The following ATP2B4 variants were observed in gnomAD, a reference collection of about 807,000 sequenced individuals.
The protein encoded by ATP2B4 is ATPase plasma membrane Ca2+ transporting 4.
ATP2B4 carries 39 observed loss-of-function variants against 110.3 expected under a neutral mutation model. The ratio of observed to expected loss-of-function variants is 0.35; its 90% CI spans 0.27 to 0.46. ATP2B4 has a LOEUF of 0.46. Among genes scored for constraint, ATP2B4 ranks in the 20% least tolerant of loss-of-function variants. The probability of loss-of-function intolerance (pLI) is 1.00; values close to 1 mark genes in which losing one functional copy is unlikely to be tolerated. For synonymous variants in ATP2B4, 538 were observed against 571.7 expected (o/e 0.94, Z 0.84); for missense variants, 1,135 against 1,530.9 (o/e 0.74, Z 4.32).
intron 17 of ATP2B4, 113 bp from the exon 18 acceptor site, chr1:203,722,364 AT>A: frequency 1.2e-6 from 1 of 819,534 alleles, no homozygotes; most frequent in Non-Finnish European, 2.0e-6. Context: ...CAGCTCAGAT[AT>A]TGATTAATTA....
chr1:203,731,884 A>AAGGG (rs2102233894), intron 20 of ATP2B4, among the ~76,000 whole-genome samples: 1 of 141,914 alleles, frequency 7.0e-6, no homozygotes, highest in South Asian at 2.3e-4. Flanking sequence ...AGGAGGGAGG[A>AAGGG]AGGAAGGAAG....
At chr1:203,683,674 T>TC (rs1244623556) in intron 2 of ATP2B4, among the ~76,000 whole-genome samples, 1 of 140,604 alleles carries the variant, frequency 7.1e-6, no homozygotes, top group Non-Finnish European at 1.6e-5. Flanking sequence ...TTCTTTTTTT[T>TC]TTTTTTTTTT....
rs76642935 is a variant in ATP2B4 at position 203,743,743 on chromosome 1, A to G, written c.*3889A>G. 51 of 152,694 alleles carry G rather than the reference A, an allele frequency of 3.3e-4. No individual in the cohort carries two copies. In the East Asian group the frequency reaches 9.2e-3, roughly 28 times the overall value. 9.5% of individuals were successfully genotyped at this position (152,694 alleles called of 1,614,324 possible). A position where few individuals can be genotyped will look rare whatever the true frequency, so the allele number is the denominator to read the frequency against. ...AAGATTGACTATTGTGGTCTGCATG[A>G]CATAAACAAACAAATGGTGATATCA... is the stretch of plus-strand genomic sequence containing the variant. On this transcript the variant is annotated 3_prime_UTR_variant, in exon 21 of 21. Coordinates refer to ENST00000357681, the MANE Select transcript of ATP2B4 (RefSeq NM_001684.5).
At position 203,735,002 on chromosome 1, in the gene ATP2B4, C is replaced by CAAAA. The variant is rs35552196; in HGVS notation, c.3310-4524_3310-4521dup. Among the ~76,000 whole-genome samples the CAAAA allele has an allele frequency of 1.3e-3, 74 of 57,092 alleles. 2 individuals are homozygous for CAAAA. Among genetic ancestry groups the CAAAA allele is most frequent in the African/African-American group, 3.8e-3 (50 of 13,142 alleles). 37.5% of individuals were successfully genotyped at this position (57,092 alleles called of 152,430 possible). A position where few individuals can be genotyped will look rare whatever the true frequency, so the allele number is the denominator to read the frequency against. On this transcript the variant is annotated intron_variant, in intron 20 of 20. Coordinates refer to ENST00000357681, the MANE Select transcript of ATP2B4 (RefSeq NM_001684.5). ...TGGGTGACAGAGACAGACTCCATCT[C>CAAAA]AAAAAAAAAAAAAAAAAAAAAAACG...
intron 1 of ATP2B4, among the ~76,000 whole-genome samples, chr1:203,652,113 C>T (rs1267181662): frequency 6.8e-6 from 1 of 147,038 alleles, no homozygotes; most frequent in Admixed American, 6.9e-5. Flanking sequence ...GAGGTTTCTA[C>T]CAACAGACTA....
At chr1:203,723,843 AT>A in intron 18 of ATP2B4, 37 bp from the exon 19 acceptor site, 1 of 1,531,432 alleles carries the variant, frequency 6.5e-7, no homozygotes, top group Non-Finnish European at 8.9e-7. Flanking sequence ...CCTGTTAGTC[AT>A]TTCCTTGATG....
chr1:203,672,343 TTTTTTTTTTTTTTA>T (rs1270259363), intron 1 of ATP2B4, among the ~76,000 whole-genome samples: 10 of 141,098 alleles, frequency 7.1e-5, no homozygotes, highest in Non-Finnish European at 1.2e-4. Flanking sequence ...TTTTTTTTTT[TTTTTTTTTTTTTTA>T]AAGCTGATTT....
intron 1 of ATP2B4, chr1:203,657,289 GT>G: frequency 1.4e-6 from 1 of 729,660 alleles, no homozygotes; most frequent in Non-Finnish European, 2.5e-6. Context: ...ACAAAGCAGA[GT>G]TTAGTAACCA....
intron 1 of ATP2B4, among the ~76,000 whole-genome samples, chr1:203,661,980 T>C (rs1224213125): frequency 6.6e-6 from 1 of 152,222 alleles, no homozygotes; most frequent in Non-Finnish European, 1.5e-5. Flanking sequence ...CTATTTTTAT[T>C]TATTTATTTT....
Position 203,739,613 on chromosome 1 carries a change from C to G in ATP2B4, c.3377C>G (p.Ser1126Cys). The stretch of plus-strand genomic sequence containing the variant: ...ATTCAGAAACCCTACAACCAAAAGT[C>G]CATCCACAGCTTCATGACCCACCCT... ...ESIQKPYNQK[S>C]IHSFMTHPEF... Residue 1126 changes from serine to cysteine, a missense_variant, in exon 21 of 21, where the codon TCC becomes TGC. Around this residue, in one of 9 missense-constraint regions of ATP2B4, gnomAD observed 61 missense variants for 123.4 expected, o/e 0.49. Coordinates refer to ENST00000357681, the MANE Select transcript of ATP2B4 (RefSeq NM_001684.5). 6.2e-7 allele frequency: 1 copy of G among 1,614,124 alleles called. No homozygotes were observed. The highest frequency in any genetic ancestry group is 8.5e-7 in the Non-Finnish European group (1 of 1,180,026).
In ATP2B4 at chr1:203,723,886, C is replaced by T. The variant is rs1453748808; in HGVS notation, c.3030C>T (p.Phe1010=). 6.2e-7 allele frequency: 1 copy of T among 1,604,118 alleles called. No homozygotes were observed. The highest frequency in any genetic ancestry group is 1.3e-5 in the African/African-American group (1 of 74,492). Residue 1010 remains phenylalanine, a synonymous_variant, in exon 19 of 21, where the codon TTC becomes TTT. Coordinates refer to ENST00000357681, the MANE Select transcript of ATP2B4 (RefSeq NM_001684.5). The part of the protein sequence containing the change: ...VVLGTFICQI[F]IVEFGGKPFS... ...TGCCCCTTTCTCTGTTCTAGATTTT[C>T]ATCGTGGAATTTGGGGGTAAACCCT...
At chr1:203,679,216 A>T (rs1421286637) in intron 1 of ATP2B4, among the ~76,000 whole-genome samples, 2 of 152,148 alleles carry the variant, frequency 1.3e-5, no homozygotes, top group Non-Finnish European at 2.9e-5. Flanking sequence ...GAGCACCTTC[A>T]GATTATTCTT....
In ATP2B4 at chr1:203,667,505, A is replaced by G. The variant is rs578056148; in HGVS notation, c.-464-15237A>G. 1.9e-4 allele frequency among the ~76,000 whole-genome samples: 29 copies of G among 152,184 alleles called. No individual in the cohort carries two copies. The South Asian group carries it at 6.0e-3, about 32-fold the overall frequency. The stretch of plus-strand genomic sequence containing the variant: ...TCACAATTGCTCAGTTACTCAGTAG[A>G]CTAGTGTTGGAGGTAGCTATCTTTT... On this transcript the variant is annotated intron_variant, in intron 1 of 20. Transcript: ENST00000357681.
intron 13 of ATP2B4, among the ~76,000 whole-genome samples, chr1:203,712,687 T>A (rs78621391): frequency 0.043 from 6,561 of 152,122 alleles, 371 homozygotes; most frequent in African/African-American, 0.12. Flanking sequence ...CTAACTTTTC[T>A]TGTCTTTCTG....
intron 2 of ATP2B4, among the ~76,000 whole-genome samples, chr1:203,688,973 T>TGGAA (rs1394409132): frequency 6.6e-6 from 1 of 152,186 alleles, no homozygotes. Flanking sequence ...TTTTGCACAA[T>TGGAA]GGAATCCTTC....
chr1:203,693,444 G>C (rs1237947908), intron 2 of ATP2B4, among the ~76,000 whole-genome samples: 3 of 152,046 alleles, frequency 2.0e-5, no homozygotes, highest in Non-Finnish European at 4.4e-5. Flanking sequence ...ACAAGCTCAG[G>C]GTGACTTAAG....
chr1:203,735,020 A>AC (rs1232410785), intron 20 of ATP2B4, among the ~76,000 whole-genome samples: 13 of 151,626 alleles, frequency 8.6e-5, no homozygotes, highest in Non-Finnish European at 1.6e-4. Flanking sequence ...AAAAAAAAAA[A>AC]AAAAACGAAG....
At chr1:203,693,498 AG>A (rs1407323145) in intron 2 of ATP2B4, among the ~76,000 whole-genome samples, 1 of 152,238 alleles carries the variant, frequency 6.6e-6, no homozygotes, top group Admixed American at 6.5e-5. Context: ...AAAAGAAGCA[AG>A]CAAGTGACTT....
intron 1 of ATP2B4, among the ~76,000 whole-genome samples, chr1:203,630,367 CTCTTTTTT>C (rs1200659837): frequency 1.1e-4 from 1 of 9,414 alleles, no homozygotes; most frequent in African/African-American, 2.9e-4. Context: ...CTCTCTCTCT[CTCTTTTTT>C]TTTTTTTTTT....
Sources: gnomAD v4.1 joint callset for allele counts (sites outside exome capture counted in the v4.1 genomes callset) on GRCh38, gnomAD v4.1.1 for gene constraint, gnomAD v4.1.1 regional missense constraint, MANE v1.5 for transcripts, NCBI Gene and HGNC (gene_info 2026-07-23, HGNC 2026-07-21) for gene names.